Variants in SLC44A1 observed in about 807,000 individuals in gnomAD.
The protein encoded by SLC44A1 is choline transporter-like protein 1.
Under a neutral mutation model 79.3 loss-of-function variants are expected in SLC44A1, and 26 were observed. The observed-to-expected ratio is 0.33, with a 90% CI of 0.24 to 0.46. The LOEUF (loss-of-function observed/expected upper bound fraction) is 0.46. Among genes scored for constraint, SLC44A1 ranks in the 20% least tolerant of loss-of-function variants. The pLI, the probability that SLC44A1 is intolerant of heterozygous loss-of-function variation, is 1.00. For missense variants in SLC44A1, 688 were observed against 798.1 expected, an observed-to-expected ratio of 0.86 and a Z score of 1.66; for synonymous variants, 263 against 286.2, an observed-to-expected ratio of 0.92 and a Z score of 0.82.
chr9:105,333,674 G>C (rs550877993), intron 3 of SLC44A1, among the ~76,000 whole-genome samples: 1 of 152,088 alleles, frequency 6.6e-6, no homozygotes, highest in Non-Finnish European at 1.5e-5. Flanking sequence ...GCCGGGTGTG[G>C]TAGTAGGTGC....
intron 9 of SLC44A1, among the ~76,000 whole-genome samples, chr9:105,364,137 T>C (rs1214383243): frequency 6.6e-6 from 1 of 152,192 alleles, no homozygotes; most frequent in Non-Finnish European, 1.5e-5. Context: ...TAGTAAACTT[T>C]TATGTAACTA....
chr9:105,361,249 T>C lies in SLC44A1; in HGVS notation c.819T>C (p.Thr273=). ...AGCAAAGAAGGTCTCCCAAAGAAACTGTTACTCCTGAGCAGCTTCAGATAG... is the reference window on the plus strand; with the variant it reads ...AGCAAAGAAGGTCTCCCAAAGAAACCGTTACTCCTGAGCAGCTTCAGATAG... ...YAKQRRSPKE[T]VTPEQLQIAE... The change falls in exon 8 of 16, where the codon ACT becomes ACC. Residue 273 remains threonine, a synonymous_variant. Transcript: ENST00000374720. 1 of 1,614,064 alleles carries C rather than the reference T, an allele frequency of 6.2e-7. No homozygotes were observed. The highest frequency in any genetic ancestry group is 2.2e-5 in the East Asian group (1 of 44,882).
intron 1 of SLC44A1, among the ~76,000 whole-genome samples, chr9:105,277,364 T>C (rs328007): frequency 0.23 from 35,202 of 152,134 alleles, 7,578 homozygotes; most frequent in African/African-American, 0.57. Context: ...ACTCCATTCA[T>C]GATAATGATT....
intron 1 of SLC44A1, among the ~76,000 whole-genome samples, chr9:105,249,722 A>T (rs1319430942): frequency 6.7e-6 from 1 of 150,162 alleles, no homozygotes; most frequent in East Asian, 2.0e-4. Flanking sequence ...TTTAGTAGAG[A>T]CGAGTTTTCA....
intron 1 of SLC44A1, among the ~76,000 whole-genome samples, chr9:105,279,339 A>ATTTT (rs1830293422): frequency 7.1e-6 from 1 of 139,950 alleles, no homozygotes; most frequent in African/African-American, 2.7e-5. Flanking sequence ...TTTTTTTGAG[A>ATTTT]CGGAGTCTGA....
intron 15 of SLC44A1, among the ~76,000 whole-genome samples, chr9:105,436,112 C>A (rs774696672): frequency 1.3e-5 from 2 of 152,180 alleles, no homozygotes; most frequent in Non-Finnish European, 2.9e-5. Flanking sequence ...GCAGAAGAAT[C>A]GCTGGAACCC....
chr9:105,348,590 T>C, intron 5 of SLC44A1, 139 bp downstream of exon 5: 1 of 543,362 alleles, frequency 1.8e-6, no homozygotes, highest in Non-Finnish European at 3.3e-6. Flanking sequence ...AATTTTAAAG[T>C]AGCAATAGAA....
At chr9:105,429,452 G>A (rs10125368) in intron 15 of SLC44A1, among the ~76,000 whole-genome samples, 6,240 of 152,190 alleles carry the variant, frequency 0.041, 412 homozygotes, top group African/African-American at 0.14. Context: ...ACAAGTATGT[G>A]CCACCGTGCC....
Position 105,394,697 on chromosome 9 carries a change from A to C in SLC44A1, c.*5641A>C. 3.0e-6 allele frequency: 3 copies of C among 985,438 alleles called. No individual in the cohort carries two copies. The South Asian group carries it at 1.4e-4, about 46-fold the overall frequency. The allele number at this position is 985,438 out of a possible 1,614,324, so 61.0% of individuals were successfully genotyped here. ...TGTCCAGTTCCAACAACAGTTGAAG[A>C]TGATGATAAATTAGCAAACTCAAGG... On this transcript the variant is annotated 3_prime_UTR_variant, in exon 16 of 16. Coordinates refer to ENST00000374720, the MANE Select transcript of SLC44A1 (RefSeq NM_080546.5).
chr9:105,366,383 T>C lies in SLC44A1; in HGVS notation c.1448T>C (p.Ile483Thr), dbSNP rs1370063171. The C allele has an allele frequency of 6.5e-7, 1 of 1,532,096 alleles. No individual in the cohort carries two copies. Among genetic ancestry groups the C allele is most frequent in the Non-Finnish European group, 8.8e-7 (1 of 1,140,410 alleles). The allele number at this position is 1,532,096 out of a possible 1,614,324, so 94.9% of individuals were successfully genotyped here. A position where few individuals can be genotyped will look rare whatever the true frequency, so the allele number is the denominator to read the frequency against. The change falls in exon 12 of 16, where the codon ATT (isoleucine) becomes ACT (threonine). Residue 483 changes from isoleucine to threonine, a missense_variant. Ile to Thr is a moderately conservative substitution (Grantham distance 89). Transcript: ENST00000374720. ...ACARCVLKSC[I>T]CCLWCLEKCL... is the part of the protein sequence containing the mutation. ...GCACGATGTGTGCTGAAATCTTGCATTTGTTGCCTTTGGTGTCTTGAAAAG... is the reference window on the plus strand; with the variant it reads ...GCACGATGTGTGCTGAAATCTTGCACTTGTTGCCTTTGGTGTCTTGAAAAG...
chr9:105,358,521 T>C (rs1204424349), intron 7 of SLC44A1, 88 bp downstream of exon 7: 6 of 778,388 alleles, frequency 7.7e-6, no homozygotes, highest in Non-Finnish European at 1.1e-5. Context: ...TAAATTATAT[T>C]TTCACAAGCT....
At chr9:105,367,896 A>C (rs968553761) in intron 12 of SLC44A1, among the ~76,000 whole-genome samples, 1 of 152,214 alleles carries the variant, frequency 6.6e-6, no homozygotes, top group Non-Finnish European at 1.5e-5. Flanking sequence ...GCTCCTTTAA[A>C]GTTCTTCTTT....
Position 105,391,884 on chromosome 9 carries a change from AT to A in SLC44A1, c.*2831del. ...CTTCAAAACTGTATTCAGGACTCAT[AT>A]TTCTAGAGTTTTAATTGGGGTCCTC... On this transcript the variant is annotated 3_prime_UTR_variant, in exon 16 of 16. Coordinates refer to ENST00000374720, the MANE Select transcript of SLC44A1 (RefSeq NM_080546.5). The A allele has an allele frequency of 1.0e-6, 1 of 985,272 alleles. No homozygotes were observed. The highest frequency in any genetic ancestry group is 1.2e-6 in the Non-Finnish European group (1 of 829,894). 61.0% of individuals were successfully genotyped at this position (985,272 alleles called of 1,614,324 possible). A position where few individuals can be genotyped will look rare whatever the true frequency, so the allele number is the denominator to read the frequency against.
rs1480839319 is a variant in SLC44A1, at chr9:105,276,565, C to T, written c.37-22655C>T. On this transcript the variant is annotated intron_variant, in intron 1 of 15. Coordinates refer to ENST00000374720, the MANE Select transcript of SLC44A1 (RefSeq NM_080546.5). ...AAGTTAGGAAACGGGGATGGGGAGC[C>T]GTGTGTGTGTGTGTGTGTGTGTGTG... 8.4e-5 allele frequency among the ~76,000 whole-genome samples: 10 copies of T among 118,994 alleles called. No homozygotes were observed. In the East Asian group the frequency reaches 1.7e-3, roughly 20 times the overall value. 78.1% of individuals were successfully genotyped at this position (118,994 alleles called of 152,430 possible). A position where few individuals can be genotyped will look rare whatever the true frequency, so the allele number is the denominator to read the frequency against.
intron 15 of SLC44A1, among the ~76,000 whole-genome samples, chr9:105,429,993 G>C (rs771653123): frequency 9.2e-5 from 14 of 151,990 alleles, no homozygotes; most frequent in Non-Finnish European, 1.9e-4. Context: ...ACCCTTCCAG[G>C]CTCCTCCTGC....
chr9:105,413,884 T>C (rs1355619959), intron 15 of SLC44A1, among the ~76,000 whole-genome samples: 2 of 152,178 alleles, frequency 1.3e-5, no homozygotes, highest in African/African-American at 2.4e-5. Flanking sequence ...GGTGGTACTT[T>C]TGCAGCTGGG....
intron 15 of SLC44A1, among the ~76,000 whole-genome samples, chr9:105,387,054 A>ATATAT (rs1288535198): frequency 1.1e-3 from 2 of 1,834 alleles, no homozygotes; most frequent in Non-Finnish European, 3.2e-3. Flanking sequence ...AAAAAAAAAA[A>ATATAT]AAAAAAATAT....
At chr9:105,274,518 C>T (rs148315295) in intron 1 of SLC44A1, among the ~76,000 whole-genome samples, 11 of 152,334 alleles carry the variant, frequency 7.2e-5, no homozygotes, top group Middle Eastern at 3.4e-3. Context: ...TGACCACCTC[C>T]TTCTCTGAAC....
chr9:105,314,429 A>G (rs1404172594), intron 3 of SLC44A1, among the ~76,000 whole-genome samples: 1 of 152,204 alleles, frequency 6.6e-6, no homozygotes, highest in Non-Finnish European at 1.5e-5. Flanking sequence ...CTTTTCCCTC[A>G]TTCTTCAAAC....
Sources: allele counts gnomAD v4.1 joint callset (sites outside exome capture counted in the v4.1 genomes callset), GRCh38; gene constraint gnomAD v4.1.1; transcripts MANE v1.5; gene names NCBI Gene and HGNC (gene_info 2026-07-23, HGNC 2026-07-21).